The following ITGA9 variants were observed in gnomAD, a reference collection of about 807,000 sequenced individuals.
The protein encoded by ITGA9 is integrin subunit alpha 9.
In ITGA9, 56 loss-of-function variants were observed where a neutral mutation model predicts 127.8. That is an observed-to-expected ratio of 0.44 (90% CI 0.35 to 0.55). The LOEUF is 0.55. Ranked by LOEUF, ITGA9 falls within the 20% of genes least tolerant of loss-of-function variation. ITGA9 has a pLI of 0.00. For synonymous variants in ITGA9, 508 were observed against 514.5 expected, an observed-to-expected ratio of 0.99 and a Z score of 0.17; for missense variants, 1,196 against 1,347.1, an observed-to-expected ratio of 0.89 and a Z score of 1.76.
chr3:37,614,222 A>C (rs1700051863), intron 15 of ITGA9, among the ~76,000 whole-genome samples: 1 of 152,158 alleles, frequency 6.6e-6, no homozygotes, highest in South Asian at 2.1e-4. Context: ...TAAATAGGGA[A>C]TCCTTTCCCC....
At chr3:37,500,955 GA>G (rs1043465419) in intron 5 of ITGA9, among the ~76,000 whole-genome samples, 4 of 152,098 alleles carry the variant, frequency 2.6e-5, no homozygotes, top group African/African-American at 9.7e-5. Context: ...ATTTCCTCTA[GA>G]AATTTTGTTG....
At chr3:37,588,649 C>T (rs1469474385) in intron 15 of ITGA9, among the ~76,000 whole-genome samples, 1 of 152,198 alleles carries the variant, frequency 6.6e-6, no homozygotes, top group Middle Eastern at 3.2e-3. Context: ...AAGAAATAAC[C>T]AGGAGGGTCT....
intron 15 of ITGA9, among the ~76,000 whole-genome samples, chr3:37,601,845 G>T (rs542135893): frequency 6.6e-6 from 1 of 152,220 alleles, no homozygotes; most frequent in Non-Finnish European, 1.5e-5. Context: ...TTCGGCTCAT[G>T]GTTCTGCAGG....
chr3:37,788,681 G>A (rs1220057412), intron 26 of ITGA9, among the ~76,000 whole-genome samples: 5 of 152,094 alleles, frequency 3.3e-5, no homozygotes, highest in Non-Finnish European at 7.3e-5. Context: ...GGATGAAGCG[G>A]CAATTTCTCA....
intron 15 of ITGA9, among the ~76,000 whole-genome samples, chr3:37,585,856 G>A (rs1356223359): frequency 6.6e-6 from 1 of 152,092 alleles, no homozygotes; most frequent in Admixed American, 6.5e-5. Context: ...CCCAAGCTTC[G>A]CTAGTGAAGA....
At position 37,698,223 on chromosome 3, in the gene ITGA9, A is replaced by G. The variant is rs190927165; in HGVS notation, c.2067+14208A>G. On this transcript the variant is annotated intron_variant, in intron 18 of 27. Coordinates refer to ENST00000264741, the MANE Select transcript of ITGA9 (RefSeq NM_002207.3). ...GTACATTTGTTTAAGTTCTTTGTAG[A>G]TTCTGGATATTAGCCCTTTGTCAGA... 1.5e-4 allele frequency among the ~76,000 whole-genome samples: 23 copies of G among 152,046 alleles called. 1 individual carries two copies. In the East Asian group the frequency reaches 3.7e-3, roughly 24 times the overall value.
At chr3:37,531,547 G>A (rs1699152098) in intron 13 of ITGA9, among the ~76,000 whole-genome samples, 1 of 152,092 alleles carries the variant, frequency 6.6e-6, no homozygotes, top group Admixed American at 6.5e-5. Context: ...TTTGTGAGAG[G>A]AGGATTCGGC....
intron 15 of ITGA9, among the ~76,000 whole-genome samples, chr3:37,575,553 C>T (rs962730949): frequency 1.3e-5 from 2 of 152,092 alleles, no homozygotes; most frequent in African/African-American, 4.8e-5. Flanking sequence ...CTGTCATATA[C>T]CCATGAAGAA....
intron 15 of ITGA9, among the ~76,000 whole-genome samples, chr3:37,578,779 A>G (rs1309659781): frequency 1.3e-5 from 2 of 152,062 alleles, no homozygotes; most frequent in Non-Finnish European, 2.9e-5. Context: ...TTCTGTATCC[A>G]GGTCCCCAAG....
chr3:37,648,162 T>C (rs557868324), intron 16 of ITGA9, among the ~76,000 whole-genome samples: 23 of 152,190 alleles, frequency 1.5e-4, no homozygotes, highest in Non-Finnish European at 2.9e-4. Flanking sequence ...AGGGTTCCCT[T>C]TTCTCCATGC....
Position 37,732,799 on chromosome 3 carries a change from G to A in ITGA9, c.2154+1G>A, listed in dbSNP as rs766772240. ...TCCTTTCATGAGGTCAAAGTCAAAG[G>A]TAAGGGACACAGACGGGACCCTTCC... On this transcript the variant is annotated splice_donor_variant, in intron 19 of 27. Transcript: ENST00000264741. LOFTEE classifies it high-confidence loss of function. 1 of 1,607,286 alleles carries A rather than the reference G, an allele frequency of 6.2e-7. No individual in the cohort carries two copies. Among genetic ancestry groups the A allele is most frequent in the Non-Finnish European group, 8.5e-7 (1 of 1,176,866 alleles).
intron 17 of ITGA9, among the ~76,000 whole-genome samples, chr3:37,668,076 C>T (rs1347923586): frequency 2.0e-5 from 3 of 152,122 alleles, no homozygotes; most frequent in Non-Finnish European, 4.4e-5. Context: ...TTTCAGGGCC[C>T]ACCATACATG....
intron 3 of ITGA9, among the ~76,000 whole-genome samples, chr3:37,479,041 A>G (rs17813574): frequency 0.11 from 16,990 of 152,214 alleles, 1,078 homozygotes; most frequent in Middle Eastern, 0.17. Context: ...ACTCAGAAAT[A>G]CAATAAAACA....
intron 18 of ITGA9, among the ~76,000 whole-genome samples, chr3:37,686,151 C>T (rs189560621): frequency 1.3e-5 from 2 of 150,076 alleles, no homozygotes; most frequent in Admixed American, 6.6e-5. Context: ...TACTATACAC[C>T]AGGGACTTTT....
chr3:37,606,911 G>T (rs1159440879), intron 15 of ITGA9, among the ~76,000 whole-genome samples: 1 of 150,262 alleles, frequency 6.7e-6, no homozygotes, highest in Non-Finnish European at 1.5e-5. Flanking sequence ...AAAATCAATG[G>T]TTTCTTGACA....
intron 4 of ITGA9, among the ~76,000 whole-genome samples, chr3:37,484,398 G>A (rs1698588665): frequency 6.6e-6 from 1 of 152,156 alleles, no homozygotes; most frequent in African/African-American, 2.4e-5. Context: ...TGCTCTGTTG[G>A]CTTTAGGCAT....
rs200417361 is a variant in ITGA9 at position 37,526,051 on chromosome 3, C to T, written c.1353C>T (p.Ser451=). Residue 451 remains serine (S), a synonymous_variant, in exon 13 of 28, where the codon TCC becomes TCT. Transcript: ENST00000264741. ...ATGTCACTGTTGGAGCCTTCATGTC[C>T]GACAGCGTGGTTCTTCTCAGGTGAG... is the stretch of plus-strand genomic sequence containing the variant. ...YPDVTVGAFM[S]DSVVLLRARP... is the part of the protein sequence containing the mutation. 3.7e-4 allele frequency: 595 copies of T among 1,614,032 alleles called. No homozygotes were observed. Among genetic ancestry groups the T allele is most frequent in the Non-Finnish European group, 4.6e-4 (542 of 1,179,950 alleles).
At chr3:37,500,042 C>A (rs1196112569) in intron 5 of ITGA9, among the ~76,000 whole-genome samples, 1 of 152,196 alleles carries the variant, frequency 6.6e-6, no homozygotes, top group Non-Finnish European at 1.5e-5. Flanking sequence ...GAGGATACAT[C>A]TGGGGCTGAG....
At chr3:37,704,090 C>T (rs1054115440) in intron 18 of ITGA9, among the ~76,000 whole-genome samples, 27 of 152,162 alleles carry the variant, frequency 1.8e-4, no homozygotes, top group African/African-American at 5.8e-4. Flanking sequence ...GCTGGCTGCT[C>T]ACGTGGCTTT....
Sources: gnomAD v4.1 joint callset for allele counts (sites outside exome capture counted in the v4.1 genomes callset) on GRCh38, gnomAD v4.1.1 for gene constraint, MANE v1.5 for transcripts, NCBI Gene and HGNC (gene_info 2026-07-23, HGNC 2026-07-21) for gene names.